The following CC2D2A variants were observed in gnomAD, a reference collection of about 807,000 sequenced individuals.
CC2D2A encodes the protein coiled-coil and C2 domain-containing protein 2A.
CC2D2A carries 155 observed loss-of-function variants against 212.9 expected under a neutral mutation model. The ratio of observed to expected loss-of-function variants is 0.73; its 90% CI spans 0.64 to 0.83. The LOEUF (loss-of-function observed/expected upper bound fraction) is 0.83. Ranked by LOEUF, CC2D2A falls within the 40% of genes least tolerant of loss-of-function variation. CC2D2A has a pLI of 0.00. For missense variants in CC2D2A, 1,856 were observed against 1,956.2 expected, an observed-to-expected ratio of 0.95 and a Z score of 0.97; for synonymous variants, 667 against 686.5, an observed-to-expected ratio of 0.97 and a Z score of 0.44.
In CC2D2A at chr4:15,537,992, A is replaced by G. The variant is rs760215716; in HGVS notation, c.1858A>G (p.Ser620Gly). 1.9e-5 allele frequency: 30 copies of G among 1,609,496 alleles called. No homozygotes were observed. The East Asian group carries it at 6.3e-4, about 34-fold the overall frequency. ...TCCCGAGGAGGACCTTGTGAAGCCCAGCCCTCCAGAGCCCACTGATCGGGC... is the reference window on the plus strand; with the variant it reads ...TCCCGAGGAGGACCTTGTGAAGCCCGGCCCTCCAGAGCCCACTGATCGGGC... Reference protein sequence around the residue: ...PYPEEDLVKPSPPEPTDRAVI... With the variant: ...PYPEEDLVKPGPPEPTDRAVI... Residue 620 changes from serine to glycine, a missense_variant, in exon 16 of 37, where the codon AGC becomes GGC. Ser to Gly is a moderately conservative substitution (Grantham distance 56, BLOSUM62 0). This residue lies in a region of CC2D2A where 1,512 missense variants were observed against 1,579.3 expected (regional missense o/e 0.96). Coordinates refer to ENST00000424120, the MANE Select transcript of CC2D2A (RefSeq NM_001378615.1).
chr4:15,502,716 A>G (rs1716029289), intron 5 of CC2D2A, 106 bp from the exon 6 acceptor site: 1 of 1,123,790 alleles, frequency 8.9e-7, no homozygotes, highest in Non-Finnish European at 1.3e-6. Flanking sequence ...TTTCTGAACC[A>G]TTTTCCTTGC....
At chr4:15,506,766 T>C (rs548962039) in intron 6 of CC2D2A, among the ~76,000 whole-genome samples, 8 of 152,240 alleles carry the variant, frequency 5.3e-5, no homozygotes, top group African/African-American at 1.9e-4. Flanking sequence ...CTGATCTTTA[T>C]TCTACTGCAG....
At chr4:15,520,012 G>A (rs1262345786) in intron 11 of CC2D2A, among the ~76,000 whole-genome samples, 2 of 152,194 alleles carry the variant, frequency 1.3e-5, no homozygotes, top group Admixed American at 6.5e-5. Flanking sequence ...TGTCTATAAA[G>A]AGGAATGATG....
At chr4:15,542,074 G>A (rs1243412541) in intron 17 of CC2D2A, among the ~76,000 whole-genome samples, 1 of 151,936 alleles carries the variant, frequency 6.6e-6, no homozygotes, top group Non-Finnish European at 1.5e-5. Context: ...CTCTCTCTGT[G>A]GGTCCTCTTT....
chr4:15,587,868 G>A lies in CC2D2A; in HGVS notation c.4118G>A (p.Cys1373Tyr). Residue 1373 changes from cysteine (C) to tyrosine (Y), a missense_variant, in exon 32 of 37, where the codon TGT becomes TAT. Transcript: ENST00000424120. ...GAAGAAGAACATGCAGTACTATTGT[G>A]TAATTACTTTCTGTCTCTGGGTAAG... ...GDEEEHAVLL[C>Y]NYFLSLGKKA... is the part of the protein sequence containing the mutation. The A allele has an allele frequency of 6.2e-7, 1 of 1,613,604 alleles. No individual in the cohort carries two copies. Among genetic ancestry groups the A allele is most frequent in the Non-Finnish European group, 8.5e-7 (1 of 1,179,626 alleles).
At position 15,475,051 on chromosome 4, in the gene CC2D2A, G is replaced by A. The variant is rs184396525; in HGVS notation, c.-18-864G>A. 2.4e-3 allele frequency among the ~76,000 whole-genome samples: 362 copies of A among 152,268 alleles called. 2 individuals are homozygous for A. Among genetic ancestry groups the A allele is most frequent in the African/African-American group, 8.3e-3 (346 of 41,556 alleles). On this transcript the variant is annotated intron_variant, in intron 1 of 36. Coordinates refer to ENST00000424120, the MANE Select transcript of CC2D2A (RefSeq NM_001378615.1). ...AGCACTTTGTGAGGCCCAGGCAGGC[G>A]GATCACAAGGTCAGGAGTTCGAGAC...
At chr4:15,500,305 C>T (rs971292843) in intron 4 of CC2D2A, among the ~76,000 whole-genome samples, 2 of 151,988 alleles carry the variant, frequency 1.3e-5, no homozygotes, top group African/African-American at 4.8e-5. Context: ...TTGACCAAAA[C>T]ATCCTTGTGC....
At chr4:15,547,527 T>G (rs181263306) in intron 17 of CC2D2A, among the ~76,000 whole-genome samples, 1 of 152,290 alleles carries the variant, frequency 6.6e-6, no homozygotes, top group East Asian at 1.9e-4. Context: ...ATCAGCTTTT[T>G]AGGCTCCCAC....
At chr4:15,475,831 G>A (rs887239522) in intron 1 of CC2D2A, 84 bp from the exon 2 acceptor site, 1 of 1,112,160 alleles carries the variant, frequency 9.0e-7, no homozygotes, top group Non-Finnish European at 1.3e-6. Flanking sequence ...TTACCATCAT[G>A]GCCAGCCTCT....
intron 1 of CC2D2A, 96 bp from the exon 2 acceptor site, chr4:15,475,819 A>G (rs1714174077): frequency 8.0e-6 from 8 of 999,090 alleles, no homozygotes; most frequent in South Asian, 6.9e-5. Context: ...CAAACACTTC[A>G]CTTACCATCA....
rs770502139 is a variant in CC2D2A, at chr4:15,533,350, A to C, written c.1607+17A>C. On this transcript the variant is annotated intron_variant, in intron 14 of 36. Coordinates refer to ENST00000424120, the MANE Select transcript of CC2D2A (RefSeq NM_001378615.1). ...TTTGAGAAAGTAGGCTTTTTTGAAA[A>C]ATTATTTTATTGGGCTATATCATAC... The C allele has an allele frequency of 1.3e-6, 2 of 1,510,302 alleles. No homozygotes were observed. Among genetic ancestry groups the C allele is most frequent in the South Asian group, 2.6e-5 (2 of 77,396 alleles). 93.6% of individuals were successfully genotyped at this position (1,510,302 alleles called of 1,614,324 possible). A position where few individuals can be genotyped will look rare whatever the true frequency, so the allele number is the denominator to read the frequency against.
intron 29 of CC2D2A, among the ~76,000 whole-genome samples, chr4:15,575,104 T>C (rs1365963695): frequency 1.3e-5 from 2 of 152,214 alleles, no homozygotes; most frequent in Admixed American, 1.3e-4. Context: ...TCATTGGATT[T>C]GGGAGAATAT....
At chr4:15,561,309 T>C (rs892202498) in intron 23 of CC2D2A, among the ~76,000 whole-genome samples, 7 of 152,152 alleles carry the variant, frequency 4.6e-5, no homozygotes, top group Admixed American at 1.3e-4. Context: ...TCTCTTGGTC[T>C]CCTAAAAAGG....
intron 35 of CC2D2A, 68 bp from the exon 36 acceptor site, chr4:15,599,454 CACTACAT>C (rs1721476776): frequency 1.1e-6 from 1 of 904,752 alleles, no homozygotes; most frequent in Non-Finnish European, 1.6e-6. Context: ...TCTGAATCCC[CACTACAT>C]ACTACATACA....
At chr4:15,598,768 T>C (rs1459672537) in intron 35 of CC2D2A, among the ~76,000 whole-genome samples, 4 of 152,190 alleles carry the variant, frequency 2.6e-5, no homozygotes, top group South Asian at 4.1e-4. Context: ...GCTCCACAAA[T>C]ATTTGAGGCT....
At chr4:15,582,722 G>A (rs1720709815) in intron 30 of CC2D2A, among the ~76,000 whole-genome samples, 1 of 152,044 alleles carries the variant, frequency 6.6e-6, no homozygotes, top group South Asian at 2.1e-4. Flanking sequence ...CCAAAGAAAA[G>A]CCTAGGACCT....
chr4:15,470,687 CTCTATATATATATATATATATATATATA>C (rs1222786377), intron 1 of CC2D2A, among the ~76,000 whole-genome samples: 6 of 32,388 alleles, frequency 1.9e-4, no homozygotes, highest in Admixed American at 8.5e-4. Flanking sequence ...CTCTCTCTCT[CTCTATATATATATATATATATATATATA>C]TATATATATA....
In CC2D2A at chr4:15,489,534, G is replaced by A. The variant is rs575103310; in HGVS notation, c.247+8707G>A. On this transcript the variant is annotated intron_variant, in intron 4 of 36. Transcript: ENST00000424120. ...TATTATTAGTTATGAGGAAAGCCAA[G>A]GCCGCAATTAATCTGTACTCAAAGC... Among the ~76,000 whole-genome samples the A allele has an allele frequency of 4.6e-5, 7 of 152,216 alleles. No homozygotes were observed. The South Asian group carries it at 1.5e-3, about 32-fold the overall frequency.
chr4:15,583,793 C>T (rs1038240587), intron 30 of CC2D2A, among the ~76,000 whole-genome samples: 2 of 151,746 alleles, frequency 1.3e-5, no homozygotes, highest in Admixed American at 6.6e-5. Context: ...ACTAAAAATA[C>T]AAAAAAAGTT....
Sources: gnomAD v4.1 joint callset for allele counts (sites outside exome capture counted in the v4.1 genomes callset) on GRCh38, gnomAD v4.1.1 for gene constraint, gnomAD v4.1.1 regional missense constraint, MANE v1.5 for transcripts, NCBI Gene and HGNC (gene_info 2026-07-23, HGNC 2026-07-21) for gene names.